DIS3: variants seen among roughly 807,000 people sequenced by gnomAD.
The protein encoded by DIS3 is exosome complex exonuclease RRP44.
Under a neutral mutation model 113.0 loss-of-function variants are expected in DIS3, and 103 were observed. The ratio of observed to expected loss-of-function variants is 0.91; its 90% CI spans 0.78 to 1.07. DIS3 has a LOEUF of 1.07. Ranked by LOEUF, DIS3 falls within the 50% of genes least tolerant of loss-of-function variation. The probability of loss-of-function intolerance (pLI) is 0.00; values close to 1 mark genes in which losing one functional copy is unlikely to be tolerated. For missense variants in DIS3, 1,121 were observed against 1,167.1 expected (o/e 0.96, Z 0.58); for synonymous variants, 402 against 394.3 (o/e 1.02, Z -0.23).
At position 72,753,573 on chromosome 13, in the gene DIS3, A is replaced by C. The variant is rs9543111; in HGVS notation, c.*6222T>G. ...TTTTGAATTTTGTTCAACATGATCA[A>C]TATTACATGTTAGGATCATTCAGAT... On this transcript the variant is annotated 3_prime_UTR_variant, in exon 21 of 21. Transcript: ENST00000377767. The C allele has an allele frequency of 8.6e-3, 9,236 of 1,072,022 alleles. 49 individuals are homozygous for C. Among genetic ancestry groups the C allele is most frequent in the Non-Finnish European group, 0.011 (8,167 of 746,000 alleles). 66.4% of individuals were successfully genotyped at this position (1,072,022 alleles called of 1,614,324 possible).
chr13:72,765,289 G>A (rs2033717959), intron 15 of DIS3, among the ~76,000 whole-genome samples: 1 of 152,076 alleles, frequency 6.6e-6, no homozygotes, highest in Non-Finnish European at 1.5e-5. Context: ...TACTTTAGTG[G>A]GAAATATAAT....
chr13:72,775,421 C>A, intron 5 of DIS3, 46 bp from the exon 6 acceptor site: 1 of 1,534,586 alleles, frequency 6.5e-7, no homozygotes, highest in Non-Finnish European at 8.8e-7. Context: ...TTTTTAATGG[C>A]AATATAATAA....
At chr13:72,768,685 G>T in intron 14 of DIS3, 100 bp downstream of exon 14, 3 of 861,324 alleles carry the variant, frequency 3.5e-6, no homozygotes, top group Non-Finnish European at 3.4e-6. Context: ...AGAAGAAACA[G>T]GAGTCTCTAT....
intron 14 of DIS3, among the ~76,000 whole-genome samples, chr13:72,767,809 CT>C (rs1382131775): frequency 3.3e-5 from 5 of 152,160 alleles, no homozygotes; most frequent in Non-Finnish European, 5.9e-5. Flanking sequence ...CTCACCACAC[CT>C]TTAGTAACTG....
rs1025426417 is a variant in DIS3, at chr13:72,757,678, C to T, written c.*2117G>A. 19 of 177,798 alleles carry T rather than the reference C, an allele frequency of 1.1e-4. No individual in the cohort carries two copies. Among genetic ancestry groups the T allele is most frequent in the Non-Finnish European group, 3.6e-5 (3 of 82,820 alleles). 11.0% of individuals were successfully genotyped at this position (177,798 alleles called of 1,614,324 possible). On this transcript the variant is annotated 3_prime_UTR_variant, in exon 21 of 21. Transcript: ENST00000377767. ...CTGACATCGAGTGATCCACCCGCCT[C>T]GTCCTCCCAAAATGCTAGGATTACA... is the stretch of plus-strand genomic sequence containing the variant.
chr13:72,771,424 T>C (rs574138806), intron 11 of DIS3, among the ~76,000 whole-genome samples: 6 of 152,268 alleles, frequency 3.9e-5, no homozygotes, highest in Non-Finnish European at 8.8e-5. Flanking sequence ...CCTCTGAAAG[T>C]TTTAAATCTC....
At chr13:72,770,087 T>C (rs990382133) in intron 13 of DIS3, among the ~76,000 whole-genome samples, 5 of 152,174 alleles carry the variant, frequency 3.3e-5, no homozygotes, top group Admixed American at 3.3e-4. Flanking sequence ...AAGAAAGAAG[T>C]GGTGTACCTG....
chr13:72,762,478 A>G (rs1225613232), intron 16 of DIS3, among the ~76,000 whole-genome samples: 1 of 152,228 alleles, frequency 6.6e-6, no homozygotes, highest in Non-Finnish European at 1.5e-5. Context: ...AGCTGATTCA[A>G]TTCCTATGAA....
At chr13:72,762,270 T>C (rs1287493446) in intron 16 of DIS3, 133 bp from the exon 17 acceptor site, 11 of 801,460 alleles carry the variant, frequency 1.4e-5, no homozygotes, top group Admixed American at 2.7e-5. Flanking sequence ...AAAGTAGAAG[T>C]AGTAGCCAGA....
chr13:72,776,163 T>C, intron 4 of DIS3, 71 bp from the exon 5 acceptor site: 1 of 1,418,314 alleles, frequency 7.1e-7, no homozygotes, highest in East Asian at 2.4e-5. Context: ...CTATTATTAA[T>C]ATCAGAGAAT....
chr13:72,778,912 T>C (rs1333253429), intron 2 of DIS3, among the ~76,000 whole-genome samples: 2 of 152,198 alleles, frequency 1.3e-5, no homozygotes, highest in African/African-American at 4.8e-5. Context: ...TTAATAGATA[T>C]TACGTATTTC....
rs917732558 is a variant in DIS3, at chr13:72,754,895, G to A, written c.*4900C>T. ...CACACCCAGCTTTTTAAAATTTTTG[G>A]TAGAGACAGGGTCTCACTATGTTGC... On this transcript the variant is annotated 3_prime_UTR_variant, in exon 21 of 21. Coordinates refer to ENST00000377767, the MANE Select transcript of DIS3 (RefSeq NM_014953.5). The A allele has an allele frequency of 8.7e-5, 29 of 334,212 alleles. No homozygotes were observed. The highest frequency in any genetic ancestry group is 1.0e-4 in the Non-Finnish European group (18 of 180,380). 20.7% of individuals were successfully genotyped at this position (334,212 alleles called of 1,614,324 possible).
chr13:72,771,171 A>T, intron 11 of DIS3, 26 bp from the exon 12 acceptor site: 1 of 1,585,218 alleles, frequency 6.3e-7, no homozygotes, highest in Non-Finnish European at 8.7e-7. Flanking sequence ...ATAGAACCAC[A>T]GATTACTTAG....
Position 72,753,663 on chromosome 13 carries a change from A to C in DIS3, c.*6132T>G. 17 of 1,598,236 alleles carry C rather than the reference A, an allele frequency of 1.1e-5. No individual in the cohort carries two copies. The highest frequency in any genetic ancestry group is 1.4e-5 in the Non-Finnish European group (17 of 1,172,838). On this transcript the variant is annotated 3_prime_UTR_variant, in exon 21 of 21. Transcript: ENST00000377767. ...ATTTGACTTTTAAGTTCCTCACAATATATTTTTTTCTTTTTTCTCCTGTCA... is the reference window on the plus strand; with the variant it reads ...ATTTGACTTTTAAGTTCCTCACAATCTATTTTTTTCTTTTTTCTCCTGTCA...
intron 2 of DIS3, among the ~76,000 whole-genome samples, chr13:72,778,838 A>G (rs2034086250): frequency 6.6e-6 from 1 of 152,222 alleles, no homozygotes. Context: ...TAAATAATGC[A>G]TATAAATTAT....
chr13:72,780,254 A>G lies in DIS3; in HGVS notation c.386+592T>C, dbSNP rs572535026. Among the ~76,000 whole-genome samples the G allele has an allele frequency of 9.4e-4, 122 of 129,352 alleles. 1 individual carries two copies. The highest frequency in any genetic ancestry group is 3.4e-3 in the African/African-American group (118 of 34,550). The allele number at this position is 129,352 out of a possible 152,430, so 84.9% of individuals were successfully genotyped here. A position where few individuals can be genotyped will look rare whatever the true frequency, so the allele number is the denominator to read the frequency against. On this transcript the variant is annotated intron_variant, in intron 2 of 20. Transcript: ENST00000377767. ...GGCAGAAGAATCGCTTGAACTTGGG[A>G]GGTGGAGGTTGCAGTGAGCAGAGAT...
chr13:72,775,076 G>T, intron 6 of DIS3, 135 bp downstream of exon 6: 1 of 954,518 alleles, frequency 1.0e-6, no homozygotes, highest in South Asian at 2.5e-5. Flanking sequence ...AAAACCATGT[G>T]TATGACATGC....
intron 13 of DIS3, among the ~76,000 whole-genome samples, chr13:72,769,377 A>G (rs1478873735): frequency 6.6e-6 from 1 of 152,208 alleles, no homozygotes; most frequent in Admixed American, 6.5e-5. Context: ...TTAAGCATGT[A>G]AAAACCAGAC....
In DIS3 at chr13:72,761,811, G is replaced by A. The variant is rs554549593; in HGVS notation, c.2346C>T (p.Tyr782=). 50 of 1,610,752 alleles carry A rather than the reference G, an allele frequency of 3.1e-5. No homozygotes were observed. Among genetic ancestry groups the A allele is most frequent in the Middle Eastern group, 1.7e-4 (1 of 6,040 alleles). ...AAAGCCGATGAACAATGACATCTGC[G>A]TATCTAGATAGATGGAAAAATAAGA... is the stretch of plus-strand genomic sequence containing the variant. ...YTHFTSPIRR[Y]ADVIVHRLLA... The change falls in exon 18 of 21, where the codon TAC becomes TAT. Residue 782 remains tyrosine (Y), a synonymous_variant. Coordinates refer to ENST00000377767, the MANE Select transcript of DIS3 (RefSeq NM_014953.5).
Sources: allele counts gnomAD v4.1 joint callset (sites outside exome capture counted in the v4.1 genomes callset), GRCh38; gene constraint gnomAD v4.1.1; transcripts MANE v1.5; gene names NCBI Gene and HGNC (gene_info 2026-07-23, HGNC 2026-07-21).